The following SNX18 variants were observed in gnomAD, a reference collection of about 807,000 sequenced individuals.
SNX18 encodes sorting nexin 18, also known as sorting nexin-18.
In SNX18, 35 loss-of-function variants were observed where a neutral mutation model predicts 48.7. That is an observed-to-expected ratio of 0.72 (90% CI 0.55 to 0.95). The LOEUF (loss-of-function observed/expected upper bound fraction) is 0.95, where lower values mean the gene tolerates loss of function less well. SNX18 is among the 40% of genes least tolerant of loss of function. The pLI is 0.00. For synonymous variants in SNX18, 492 were observed against 384.7 expected (o/e 1.28, Z -3.26); for missense variants, 824 against 871.0 (o/e 0.95, Z 0.68).
the SNX18 span, among the ~76,000 whole-genome samples, chr5:54,569,881 C>T: frequency 6.6e-6 from 1 of 152,118 alleles, no homozygotes; most frequent in African/African-American, 2.4e-5. Flanking sequence ...GGGCAAGATC[C>T]CACTCTCTAA....
chr5:54,534,833 G>A (rs1762322835), intron 1 of SNX18, among the ~76,000 whole-genome samples: 1 of 152,094 alleles, frequency 6.6e-6, no homozygotes. Context: ...AGCTTGCAGT[G>A]TGTTCTTAAT....
chr5:54,605,220 T>C, the SNX18 span, among the ~76,000 whole-genome samples: 282 of 152,278 alleles, frequency 1.9e-3, no homozygotes, highest in Non-Finnish European at 3.5e-3. Context: ...GGAGGAAATA[T>C]ATCCTGTTTT....
the SNX18 span, among the ~76,000 whole-genome samples, chr5:54,562,407 C>T: frequency 2.0e-5 from 3 of 152,118 alleles, no homozygotes; most frequent in Non-Finnish European, 2.9e-5. Context: ...AGAAAAGGGA[C>T]CATCTCATCT....
chr5:54,548,243 C>CATT (rs1762604868), downstream of SNX18, among the ~76,000 whole-genome samples: 1 of 152,172 alleles, frequency 6.6e-6, no homozygotes, highest in African/African-American at 2.4e-5. Context: ...AAAGGCAAGA[C>CATT]CAATTGTCCA....
intron 1 of SNX18, among the ~76,000 whole-genome samples, chr5:54,527,520 A>G (rs1249080056): frequency 6.6e-6 from 1 of 152,206 alleles, no homozygotes; most frequent in African/African-American, 2.4e-5. Context: ...AATTGTCAGA[A>G]CAGGGGTGGG....
chr5:54,593,495 C>T, the SNX18 span, among the ~76,000 whole-genome samples: 1 of 152,134 alleles, frequency 6.6e-6, no homozygotes, highest in Admixed American at 6.5e-5. Flanking sequence ...AGATCCAACT[C>T]ATTACCTGTC....
At chr5:54,595,548 T>C in the SNX18 span, among the ~76,000 whole-genome samples, 1 of 152,188 alleles carries the variant, frequency 6.6e-6, no homozygotes, top group Non-Finnish European at 1.5e-5. Flanking sequence ...TTTAAGTTCT[T>C]TCAGAAATCT....
intron 1 of SNX18, among the ~76,000 whole-genome samples, chr5:54,540,191 G>A (rs1476531825): frequency 1.3e-5 from 2 of 148,724 alleles, no homozygotes; most frequent in African/African-American, 2.5e-5. Flanking sequence ...TTAATAAGTT[G>A]TAAAAACTTT....
chr5:54,645,954 C>T, the SNX18 span: 1 of 152,088 alleles, frequency 6.6e-6, no homozygotes, highest in South Asian at 2.1e-4. Flanking sequence ...ACTTGATATT[C>T]CTCAGTTTTC....
chr5:54,560,818 G>C, the SNX18 span, among the ~76,000 whole-genome samples: 1 of 152,118 alleles, frequency 6.6e-6, no homozygotes. Flanking sequence ...TGACAATCAT[G>C]TCTGCGAAAG....
chr5:54,629,075 A>G, the SNX18 span, among the ~76,000 whole-genome samples: 27,433 of 152,188 alleles, frequency 0.18, 2,662 homozygotes, highest in East Asian at 0.3. Context: ...TGCTTATTAA[A>G]TGCCTGTGAT....
chr5:54,632,094 T>C, the SNX18 span, among the ~76,000 whole-genome samples: 1 of 152,096 alleles, frequency 6.6e-6, no homozygotes, highest in Non-Finnish European at 1.5e-5. Flanking sequence ...GGTTGAGGGG[T>C]GCATAGCAGT....
At chr5:54,646,455 G>A in the SNX18 span, among the ~76,000 whole-genome samples, 1 of 152,246 alleles carries the variant, frequency 6.6e-6, no homozygotes, top group Non-Finnish European at 1.5e-5. Context: ...ACAGCTCACT[G>A]CTGCCGGTTG....
chr5:54,575,646 G>A, the SNX18 span, among the ~76,000 whole-genome samples: 1 of 152,052 alleles, frequency 6.6e-6, no homozygotes, highest in African/African-American at 2.4e-5. Flanking sequence ...TTACAGGCAT[G>A]AGCAACCACA....
chr5:54,579,995 T>C, the SNX18 span, among the ~76,000 whole-genome samples: 8 of 149,816 alleles, frequency 5.3e-5, no homozygotes, highest in Non-Finnish European at 1.2e-4. Flanking sequence ...CTATCTGTAA[T>C]TTTTTTTTTA....
At chr5:54,584,641 C>G in the SNX18 span, among the ~76,000 whole-genome samples, 1 of 152,152 alleles carries the variant, frequency 6.6e-6, no homozygotes, top group Non-Finnish European at 1.5e-5. Context: ...ACAACAACAA[C>G]CATTTGTCTC....
rs886177377 is a variant in SNX18, at chr5:54,545,319, A to C, written c.*1887A>C. On this transcript the variant is annotated 3_prime_UTR_variant, in exon 2 of 2. Transcript: ENST00000381410. ...CTGGAAATTATAACTATAGCATTTA[A>C]GTTTGAGTCTGTATTGGACAAATAA... 23 of 152,176 alleles carry C rather than the reference A, an allele frequency of 1.5e-4. No homozygotes were observed. The highest frequency in any genetic ancestry group is 5.5e-4 in the African/African-American group (23 of 41,452). The allele number at this position is 152,176 out of a possible 1,614,324, so 9.4% of individuals were successfully genotyped here. A position where few individuals can be genotyped will look rare whatever the true frequency, so the allele number is the denominator to read the frequency against.
the SNX18 span, among the ~76,000 whole-genome samples, chr5:54,591,127 C>T: frequency 1.3e-5 from 2 of 151,912 alleles, no homozygotes; most frequent in Non-Finnish European, 2.9e-5. Context: ...CTCTTGACCA[C>T]ATTCTGAGAT....
intron 1 of SNX18, among the ~76,000 whole-genome samples, chr5:54,522,133 C>G (rs114729344): frequency 6.6e-6 from 1 of 152,140 alleles, no homozygotes; most frequent in African/African-American, 2.4e-5. Context: ...TGACAGTGTG[C>G]GATACATAAG....
Sources: allele counts gnomAD v4.1 joint callset (sites outside exome capture counted in the v4.1 genomes callset), GRCh38; gene constraint gnomAD v4.1.1; transcripts MANE v1.5; gene names NCBI Gene and HGNC (gene_info 2026-07-23, HGNC 2026-07-21).